C12orf42: variants seen among roughly 807,000 people sequenced by gnomAD.
C12orf42 encodes chromosome 12 open reading frame 42.
In C12orf42, 25 loss-of-function variants were observed where a neutral mutation model predicts 21.6. That is an observed-to-expected ratio of 1.16 (90% CI 0.84 to 1.62). The LOEUF is 1.62. Among genes scored for constraint, C12orf42 ranks in the 40% most tolerant of loss-of-function variants. The probability of loss-of-function intolerance (pLI) is 0.00; values close to 1 mark genes in which losing one functional copy is unlikely to be tolerated. For missense variants in C12orf42, 483 were observed against 459.3 expected (o/e 1.05, Z -0.47); for synonymous variants, 174 against 175.0 (o/e 0.99, Z 0.05).
chr12:103,389,449 A>C (rs1448581503), intron 3 of C12orf42, among the ~76,000 whole-genome samples: 1 of 152,214 alleles, frequency 6.6e-6, no homozygotes, highest in Non-Finnish European at 1.5e-5. Flanking sequence ...TTTTCCTTCT[A>C]GAAGTCAAAT....
At chr12:103,548,488 G>A in the C12orf42 span, among the ~76,000 whole-genome samples, 50 of 152,210 alleles carry the variant, frequency 3.3e-4, no homozygotes, top group African/African-American at 1.2e-3. Flanking sequence ...CATAAATAGA[G>A]CTCAAAAAGG....
the C12orf42 span, among the ~76,000 whole-genome samples, chr12:103,113,625 G>T: frequency 6.6e-6 from 1 of 152,120 alleles, no homozygotes; most frequent in African/African-American, 2.4e-5. Flanking sequence ...GCTTACCATC[G>T]TATAGTGCAC....
the C12orf42 span, among the ~76,000 whole-genome samples, chr12:103,215,735 A>G: frequency 6.6e-6 from 1 of 152,224 alleles, no homozygotes; most frequent in Non-Finnish European, 1.5e-5. Flanking sequence ...AGCTCTATCC[A>G]TAGCAAAGCT....
chr12:103,312,173 T>C (rs2039035948), intron 4 of C12orf42, among the ~76,000 whole-genome samples: 1 of 152,174 alleles, frequency 6.6e-6, no homozygotes, highest in African/African-American at 2.4e-5. Context: ...AGAGGAAGCG[T>C]CTTGTTACAC....
At chr12:103,311,195 T>C (rs2038937218) in intron 4 of C12orf42, among the ~76,000 whole-genome samples, 2 of 152,116 alleles carry the variant, frequency 1.3e-5, no homozygotes, top group African/African-American at 4.8e-5. Context: ...TGTATGCATG[T>C]GCGTGTGTGT....
the C12orf42 span, among the ~76,000 whole-genome samples, chr12:103,176,359 A>T: frequency 1.3e-5 from 2 of 152,214 alleles, no homozygotes; most frequent in Non-Finnish European, 2.9e-5. Context: ...TAAGGCAGGC[A>T]GCTGAGTCTC....
chr12:103,218,047 G>A, the C12orf42 span, among the ~76,000 whole-genome samples: 12 of 152,122 alleles, frequency 7.9e-5, no homozygotes, highest in Non-Finnish European at 1.3e-4. Context: ...TTTGGGAGGC[G>A]AGGTGAGTGG....
At chr12:103,518,161 C>T in the C12orf42 span, among the ~76,000 whole-genome samples, 1 of 152,172 alleles carries the variant, frequency 6.6e-6, no homozygotes, top group Non-Finnish European at 1.5e-5. Context: ...GGCTCACAGG[C>T]CTGCCACAGT....
chr12:103,326,165 C>T (rs1378198027), intron 4 of C12orf42, among the ~76,000 whole-genome samples: 1 of 152,132 alleles, frequency 6.6e-6, no homozygotes, highest in Non-Finnish European at 1.5e-5. Context: ...TAATGTCTTA[C>T]TAATTGACAG....
intron 3 of C12orf42, among the ~76,000 whole-genome samples, chr12:103,391,897 T>G (rs1379097167): frequency 6.6e-6 from 1 of 152,172 alleles, no homozygotes; most frequent in Non-Finnish European, 1.5e-5. Context: ...TAAGAAACCA[T>G]TACCAAATCT....
the C12orf42 span, chr12:103,168,095 C>T: frequency 6.6e-6 from 3 of 455,504 alleles, no homozygotes; most frequent in Non-Finnish European, 1.3e-5. Flanking sequence ...CTTTTATTCA[C>T]CACAATGGAA....
At chr12:103,472,456 C>T (rs998554245) in intron 2 of C12orf42, among the ~76,000 whole-genome samples, 1 of 152,132 alleles carries the variant, frequency 6.6e-6, no homozygotes, top group African/African-American at 2.4e-5. Flanking sequence ...ATTTAGCAAA[C>T]AATAAAATTG....
intron 10 of C12orf42, among the ~76,000 whole-genome samples, chr12:103,246,885 G>A (rs942187497): frequency 6.6e-6 from 1 of 152,040 alleles, no homozygotes; most frequent in Admixed American, 6.6e-5. Flanking sequence ...AATCCTTTGG[G>A]TGTGAAATTT....
the C12orf42 span, among the ~76,000 whole-genome samples, chr12:103,124,155 CTTTTTTTTT>C: frequency 0.011 from 831 of 75,996 alleles, 6 homozygotes; most frequent in African/African-American, 0.038. Flanking sequence ...CAAACATAAG[CTTTTTTTTT>C]TTTTTTTTTT....
intron 4 of C12orf42, among the ~76,000 whole-genome samples, chr12:103,338,610 A>G (rs78826008): frequency 0.16 from 23,684 of 152,256 alleles, 2,779 homozygotes; most frequent in African/African-American, 0.33. Context: ...CCTCCACAAG[A>G]TAAGAGCCTC....
At chr12:103,424,932 A>G (rs1949679956) in intron 2 of C12orf42, among the ~76,000 whole-genome samples, 1 of 152,184 alleles carries the variant, frequency 6.6e-6, no homozygotes, top group Non-Finnish European at 1.5e-5. Flanking sequence ...GCTAAGATCC[A>G]CTGGTTTGAA....
intron 4 of C12orf42, among the ~76,000 whole-genome samples, chr12:103,321,147 A>T (rs933202981): frequency 6.6e-6 from 1 of 152,006 alleles, no homozygotes; most frequent in Admixed American, 6.6e-5. Flanking sequence ...GAATCTACAA[A>T]GAACTCAAAC....
chr12:103,557,652 C>T, the C12orf42 span: 2 of 152,176 alleles, frequency 1.3e-5, no homozygotes, highest in African/African-American at 2.4e-5. Flanking sequence ...AACTGGGTTC[C>T]CTGGCAGGAC....
the C12orf42 span, among the ~76,000 whole-genome samples, chr12:103,506,857 A>C: frequency 1.3e-5 from 1 of 77,020 alleles, no homozygotes; most frequent in African/African-American, 5.5e-5. Flanking sequence ...ATATTTATAT[A>C]TTATATATAT....
Sources: allele counts gnomAD v4.1 joint callset (sites outside exome capture counted in the v4.1 genomes callset), GRCh38; gene constraint gnomAD v4.1.1; transcripts MANE v1.5; gene names NCBI Gene and HGNC (gene_info 2026-07-23, HGNC 2026-07-21).